EPC2: variants seen among roughly 807,000 people sequenced by gnomAD.
The protein encoded by EPC2 is enhancer of polycomb homolog 2.
EPC2 carries 14 observed loss-of-function variants against 92.1 expected under a neutral mutation model. The observed-to-expected ratio is 0.15, with a 90% CI of 0.10 to 0.24. The LOEUF is 0.24. EPC2 is among the 10% of genes least tolerant of loss of function. The pLI, the probability that EPC2 is intolerant of heterozygous loss-of-function variation, is 1.00. For synonymous variants in EPC2, 340 were observed against 334.7 expected (o/e 1.02, Z -0.17); for missense variants, 755 against 971.5 (o/e 0.78, Z 2.96).
At chr2:148,700,782 T>C (rs997480221) in intron 2 of EPC2, among the ~76,000 whole-genome samples, 6 of 151,994 alleles carry the variant, frequency 3.9e-5, no homozygotes, top group African/African-American at 1.4e-4. Context: ...GGGGCACTTG[T>C]CTTTCTATAT....
At chr2:148,652,101 C>T (rs1574561052) in intron 1 of EPC2, among the ~76,000 whole-genome samples, 1 of 152,046 alleles carries the variant, frequency 6.6e-6, no homozygotes, top group Non-Finnish European at 1.5e-5. Flanking sequence ...AGATAGAGAG[C>T]GTTATTGGTC....
chr2:148,772,823 A>G (rs549918881), intron 10 of EPC2, among the ~76,000 whole-genome samples: 2 of 152,252 alleles, frequency 1.3e-5, no homozygotes, highest in East Asian at 3.9e-4. Context: ...ATTAAATCAA[A>G]TCTTTTTTCA....
intron 4 of EPC2, among the ~76,000 whole-genome samples, chr2:148,757,097 C>T (rs758493578): frequency 2.6e-5 from 4 of 152,176 alleles, no homozygotes; most frequent in Non-Finnish European, 5.9e-5. Flanking sequence ...ATAGTTAGGG[C>T]TGGGCGTGGT....
At position 148,660,857 on chromosome 2, in the gene EPC2, GT is replaced by G. The variant is rs1472795824; in HGVS notation, c.153+15689del. 1.3e-4 allele frequency among the ~76,000 whole-genome samples: 19 copies of G among 149,876 alleles called. No individual in the cohort carries two copies. The East Asian group carries it at 3.7e-3, about 30-fold the overall frequency. ...GGTGTATATTTTAACTTTTAATTTT[GT>G]TCCCTTTAAATTTTCCTTCAGAATT... On this transcript the variant is annotated intron_variant, in intron 1 of 13. Coordinates refer to ENST00000258484, the MANE Select transcript of EPC2 (RefSeq NM_015630.4).
At chr2:148,749,514 T>C (rs1360149044) in intron 3 of EPC2, among the ~76,000 whole-genome samples, 1 of 151,984 alleles carries the variant, frequency 6.6e-6, no homozygotes, top group Non-Finnish European at 1.5e-5. Context: ...ATTTTAATTG[T>C]TTACTTGATA....
At chr2:148,668,529 T>C (rs1023897750) in intron 1 of EPC2, among the ~76,000 whole-genome samples, 24 of 152,300 alleles carry the variant, frequency 1.6e-4, no homozygotes, top group African/African-American at 5.8e-4. Flanking sequence ...GTTTTTCTCC[T>C]TAAATATTTG....
intron 1 of EPC2, among the ~76,000 whole-genome samples, chr2:148,662,648 A>C (rs1680962417): frequency 6.6e-6 from 1 of 151,896 alleles, no homozygotes. Context: ...AGGGGACCAT[A>C]ACACACCGGG....
intron 3 of EPC2, among the ~76,000 whole-genome samples, chr2:148,747,349 C>G (rs1311275170): frequency 6.6e-6 from 1 of 152,010 alleles, no homozygotes; most frequent in Non-Finnish European, 1.5e-5. Flanking sequence ...CCCTTCCTAA[C>G]TCTTCCTTGT....
In EPC2 at chr2:148,787,154, A is replaced by C. The variant is rs1001405927; in HGVS notation, c.*777A>C. The C allele has an allele frequency of 2.6e-5, 4 of 152,670 alleles. No individual in the cohort carries two copies. Among genetic ancestry groups the C allele is most frequent in the Non-Finnish European group, 5.9e-5 (4 of 68,052 alleles). 9.5% of individuals were successfully genotyped at this position (152,670 alleles called of 1,614,324 possible). A position where few individuals can be genotyped will look rare whatever the true frequency, so the allele number is the denominator to read the frequency against. On this transcript the variant is annotated 3_prime_UTR_variant, in exon 14 of 14. Coordinates refer to ENST00000258484, the MANE Select transcript of EPC2 (RefSeq NM_015630.4). ...AATATGAAAATTTTTCGAGGATTAC[A>C]TTTTATCTGAAGGCTGCATATTTTA...
chr2:148,740,263 TATAC>T (rs1161145861), intron 2 of EPC2, among the ~76,000 whole-genome samples: 5 of 151,140 alleles, frequency 3.3e-5, no homozygotes, highest in African/African-American at 4.9e-5. Context: ...ATGTAGGGAG[TATAC>T]AGGTATGACT....
chr2:148,765,921 C>T (rs915637623), intron 7 of EPC2, among the ~76,000 whole-genome samples: 4 of 151,982 alleles, frequency 2.6e-5, no homozygotes, highest in Admixed American at 6.6e-5. Flanking sequence ...CTGTAGTCCC[C>T]GCTACTCCTG....
At chr2:148,750,217 A>T (rs895754284) in intron 3 of EPC2, among the ~76,000 whole-genome samples, 30 of 152,284 alleles carry the variant, frequency 2.0e-4, no homozygotes, top group African/African-American at 6.7e-4. Context: ...GGAAGAAATG[A>T]ATTGATAAAT....
chr2:148,744,874 C>T (rs993764549), intron 3 of EPC2, among the ~76,000 whole-genome samples: 7 of 149,182 alleles, frequency 4.7e-5, no homozygotes, highest in Non-Finnish European at 8.9e-5. Context: ...TTTACCCATA[C>T]AAATTTATTA....
In EPC2 at chr2:148,656,998, GT is replaced by G. The variant is rs1172627778; in HGVS notation, c.153+11837del. Among the ~76,000 whole-genome samples the G allele has an allele frequency of 3.3e-5, 5 of 151,154 alleles. No homozygotes were observed. In the South Asian group the frequency reaches 8.4e-4, roughly 25 times the overall value. ...ATTCCTGTATGCCAGAATGCCATGA[GT>G]TTTTTTTTAGATGCCTGTTGTTACG... On this transcript the variant is annotated intron_variant, in intron 1 of 13. Transcript: ENST00000258484.
chr2:148,738,092 TTC>T (rs1486780005), intron 2 of EPC2, among the ~76,000 whole-genome samples: 1 of 152,178 alleles, frequency 6.6e-6, no homozygotes, highest in Admixed American at 6.6e-5. Context: ...CTCACTTTGT[TTC>T]TGTTACCCGT....
At chr2:148,740,061 C>G (rs1682851780) in intron 2 of EPC2, among the ~76,000 whole-genome samples, 1 of 151,598 alleles carries the variant, frequency 6.6e-6, no homozygotes, top group Non-Finnish European at 1.5e-5. Context: ...ATGAAACTAA[C>G]CCACTATTTG....
At chr2:148,669,249 C>CT (rs1681109737) in intron 1 of EPC2, among the ~76,000 whole-genome samples, 1 of 152,158 alleles carries the variant, frequency 6.6e-6, no homozygotes, top group Non-Finnish European at 1.5e-5. Context: ...CCCTCTCCCT[C>CT]TTTTTCTGCC....
intron 1 of EPC2, among the ~76,000 whole-genome samples, chr2:148,668,013 T>C (rs576399822): frequency 1.3e-5 from 2 of 152,028 alleles, no homozygotes; most frequent in Admixed American, 6.5e-5. Context: ...ATTCTCCTGC[T>C]TCAGTCTCCC....
At chr2:148,746,195 TATA>T (rs1682981285) in intron 3 of EPC2, among the ~76,000 whole-genome samples, 1 of 152,002 alleles carries the variant, frequency 6.6e-6, no homozygotes, top group Non-Finnish European at 1.5e-5. Context: ...TTTTTATAGA[TATA>T]ATAATGTATT....
Sources: allele counts gnomAD v4.1 joint callset (sites outside exome capture counted in the v4.1 genomes callset), GRCh38; gene constraint gnomAD v4.1.1; transcripts MANE v1.5; gene names NCBI Gene and HGNC (gene_info 2026-07-23, HGNC 2026-07-21).